PDE1A: variants seen among roughly 807,000 people sequenced by gnomAD.
PDE1A encodes the protein dual specificity calcium/calmodulin-dependent 3',5'-cyclic nucleotide phosphodiesterase 1A.
Under a neutral mutation model 61.7 loss-of-function variants are expected in PDE1A, and 35 were observed. That is an observed-to-expected ratio of 0.57 (90% CI 0.43 to 0.75). PDE1A has a LOEUF of 0.75. Among genes scored for constraint, PDE1A ranks in the 30% least tolerant of loss-of-function variants. The pLI is 0.00. For synonymous variants in PDE1A, 232 were observed against 213.2 expected (o/e 1.09, Z -0.77); for missense variants, 597 against 630.6 (o/e 0.95, Z 0.57).
chr2:182,592,264 A>G, the PDE1A span, among the ~76,000 whole-genome samples: 1 of 152,212 alleles, frequency 6.6e-6, no homozygotes, highest in South Asian at 2.1e-4. Flanking sequence ...TGCCAGAACA[A>G]CTGAGATGTA....
chr2:182,431,281 A>C (rs536873873), upstream of PDE1A, among the ~76,000 whole-genome samples: 1 of 152,232 alleles, frequency 6.6e-6, no homozygotes, highest in South Asian at 2.1e-4. Flanking sequence ...CATATCATAC[A>C]TGAAAGATAA....
chr2:182,666,768 G>A, the PDE1A span, among the ~76,000 whole-genome samples: 1 of 152,156 alleles, frequency 6.6e-6, no homozygotes, highest in Non-Finnish European at 1.5e-5. Context: ...CTCTATCTAA[G>A]CCTTTGTCTA....
At chr2:182,483,590 C>T (rs1291185330) in intron 2 of PDE1A, among the ~76,000 whole-genome samples, 1 of 151,780 alleles carries the variant, frequency 6.6e-6, no homozygotes, top group Non-Finnish European at 1.5e-5. Context: ...AATTAGAATA[C>T]ATTTTGAACT....
intron 1 of PDE1A, among the ~76,000 whole-genome samples, chr2:182,287,883 TG>T (rs1405206486): frequency 4.6e-5 from 7 of 152,270 alleles, no homozygotes; most frequent in Non-Finnish European, 1.0e-4. Flanking sequence ...TATATTTATG[TG>T]TAGTAAACCA....
intron 2 of PDE1A, among the ~76,000 whole-genome samples, chr2:182,507,370 G>C (rs1165331169): frequency 1.3e-5 from 2 of 152,150 alleles, no homozygotes; most frequent in East Asian, 3.8e-4. Context: ...AAGTTGGGTA[G>C]TCCTCACTCA....
intron 1 of PDE1A, among the ~76,000 whole-genome samples, chr2:182,347,052 A>G (rs1319089591): frequency 1.3e-5 from 2 of 152,172 alleles, no homozygotes; most frequent in South Asian, 2.1e-4. Flanking sequence ...ATAAAGGTCT[A>G]TAAGACAGAC....
chr2:182,523,081 TGCTGTAAGC>T (rs1175288748), upstream of PDE1A: 1 of 152,202 alleles, frequency 6.6e-6, no homozygotes, highest in Admixed American at 6.5e-5. Context: ...CATCAACTGA[TGCTGTAAGC>T]ATGCTTATTC....
Position 182,413,124 on chromosome 2 carries a change from C to T in PDE1A, c.53+13454G>A, listed in dbSNP as rs147401727. Among the ~76,000 whole-genome samples the T allele has an allele frequency of 8.5e-5, 13 of 152,096 alleles. No individual in the cohort carries two copies. In the East Asian group the frequency reaches 2.5e-3, roughly 29 times the overall value. On this transcript the variant is annotated intron_variant, in intron 1 of 13. Coordinates refer to ENST00000351439, the Ensembl canonical transcript of PDE1A. ...GGAGCAATAAGTCACCCAGAATGAC[C>T]GTAGCATAAGAGTTGTGAAAGGAGG...
At chr2:182,404,137 C>G (rs957944099) in intron 1 of PDE1A, among the ~76,000 whole-genome samples, 1 of 140,552 alleles carries the variant, frequency 7.1e-6, no homozygotes, top group Admixed American at 7.5e-5. Context: ...TGAAGAAATT[C>G]TATGCTTCAA....
intron 1 of PDE1A, among the ~76,000 whole-genome samples, chr2:182,362,812 A>G (rs1390661199): frequency 6.6e-6 from 1 of 152,072 alleles, no homozygotes; most frequent in Admixed American, 6.6e-5. Context: ...CATAGAATCA[A>G]CCTAAATGCC....
intron 2 of PDE1A, among the ~76,000 whole-genome samples, chr2:182,495,328 C>A (rs1688647789): frequency 6.6e-6 from 1 of 152,138 alleles, no homozygotes; most frequent in Non-Finnish European, 1.5e-5. Flanking sequence ...CAGAGGAGGC[C>A]TGTCTCTAAT....
At chr2:182,392,260 T>C (rs1030607582) in intron 1 of PDE1A, among the ~76,000 whole-genome samples, 28 of 152,182 alleles carry the variant, frequency 1.8e-4, no homozygotes, top group Non-Finnish European at 2.9e-5. Context: ...ACCTCTTACA[T>C]GGTGCCAGGC....
intron 1 of PDE1A, among the ~76,000 whole-genome samples, chr2:182,368,551 C>T (rs1184338347): frequency 6.6e-6 from 1 of 151,188 alleles, no homozygotes; most frequent in African/African-American, 2.4e-5. Context: ...CAGAAGACTA[C>T]AATGGGGCTG....
intron 1 of PDE1A, among the ~76,000 whole-genome samples, chr2:182,352,795 CACA>C (rs1294585630): frequency 2.0e-5 from 3 of 151,766 alleles, no homozygotes; most frequent in Non-Finnish European, 4.4e-5. Context: ...GTAAACAAAA[CACA>C]ACTGTTGCAT....
At position 182,148,108 on chromosome 2, in the gene PDE1A, T is replaced by C. The variant is rs1452613770; in HGVS notation, c.1517-956A>G. On this transcript the variant is annotated intron_variant, in intron 13 of 13. Transcript: ENST00000409365. ...AAAATTTCAGGTAGTCTCATTACTTTCCTGATCATTCTTAGAGAACTAAAA... is the reference window on the plus strand; with the variant it reads ...AAAATTTCAGGTAGTCTCATTACTTCCCTGATCATTCTTAGAGAACTAAAA... 2.0e-5 allele frequency among the ~76,000 whole-genome samples: 3 copies of C among 152,220 alleles called. No homozygotes were observed. In the East Asian group the frequency reaches 5.8e-4, roughly 29 times the overall value.
chr2:182,192,345 C>T (rs990168199), intron 10 of PDE1A, among the ~76,000 whole-genome samples: 11 of 151,912 alleles, frequency 7.2e-5, no homozygotes, highest in Admixed American at 5.9e-4. Context: ...ACATTGAATG[C>T]TAAAGTACAT....
chr2:182,182,399 A>T (rs1183285492), intron 13 of PDE1A, among the ~76,000 whole-genome samples: 1 of 152,104 alleles, frequency 6.6e-6, no homozygotes, highest in East Asian at 1.9e-4. Flanking sequence ...CAATCTTTAC[A>T]TATCCAGAAA....
chr2:182,625,534 G>C, the PDE1A span, among the ~76,000 whole-genome samples: 4 of 152,188 alleles, frequency 2.6e-5, no homozygotes, highest in Admixed American at 6.5e-5. Context: ...CTGCTTTAGG[G>C]AACAGGATAG....
At chr2:182,396,220 A>C (rs1394907689) in intron 1 of PDE1A, among the ~76,000 whole-genome samples, 6 of 152,228 alleles carry the variant, frequency 3.9e-5, no homozygotes, top group Non-Finnish European at 8.8e-5. Context: ...GGCACCACCC[A>C]AAAGAGGACA....
Sources: gnomAD v4.1 joint callset for allele counts (sites outside exome capture counted in the v4.1 genomes callset) on GRCh38, gnomAD v4.1.1 for gene constraint, MANE v1.5 for transcripts, NCBI Gene and HGNC (gene_info 2026-07-23, HGNC 2026-07-21) for gene names.